Variants in SCUBE1 observed in about 807,000 individuals in gnomAD.
SCUBE1 encodes signal peptide, CUB domain and EGF like domain containing 1.
SCUBE1 carries 59 observed loss-of-function variants against 124.4 expected under a neutral mutation model. The observed-to-expected ratio is 0.47, with a 90% CI of 0.38 to 0.59. The LOEUF is 0.59. Among genes scored for constraint, SCUBE1 ranks in the 20% least tolerant of loss-of-function variants. The pLI, the probability that SCUBE1 is intolerant of heterozygous loss-of-function variation, is 0.00. For missense variants in SCUBE1, 1,150 were observed against 1,371.2 expected (o/e 0.84, Z 2.55); for synonymous variants, 545 against 550.9 (o/e 0.99, Z 0.15).
intron 1 of SCUBE1, among the ~76,000 whole-genome samples, chr22:43,339,643 CAAGCATCACTCCAGCCCTCCCCCAT>C (rs1927209465): frequency 7.5e-6 from 1 of 134,074 alleles, no homozygotes; most frequent in African/African-American, 3.0e-5. Flanking sequence ...TATCCCCCCA[CAAGCATCACTCCAGCCCTCCCCCAT>C]TCTCCTCACT....
At chr22:43,335,594 C>T (rs989761209) in intron 2 of SCUBE1, among the ~76,000 whole-genome samples, 2 of 152,202 alleles carry the variant, frequency 1.3e-5, no homozygotes, top group Non-Finnish European at 2.9e-5. Context: ...GCAGCCCCAC[C>T]AGACCACAAG....
At chr22:43,214,046 C>CGGGGG in intron 16 of SCUBE1, 44 bp downstream of exon 16, 3 of 422,702 alleles carry the variant, frequency 7.1e-6, no homozygotes, top group East Asian at 1.3e-4. Flanking sequence ...GAGGAGCCCC[C>CGGGGG]GCCCACCCCC....
chr22:43,208,563 GCTC>G (rs1187916273), intron 19 of SCUBE1, among the ~76,000 whole-genome samples: 1 of 152,124 alleles, frequency 6.6e-6, no homozygotes, highest in Non-Finnish European at 1.5e-5. Flanking sequence ...CCAGCTAACT[GCTC>G]CTCGGTGACA....
chr22:43,337,438 G>A (rs1202357776), intron 2 of SCUBE1, among the ~76,000 whole-genome samples: 2 of 152,236 alleles, frequency 1.3e-5, no homozygotes, highest in Non-Finnish European at 2.9e-5. Context: ...GGAAGGCAGA[G>A]TAGAGGGTCA....
Position 43,204,067 on chromosome 22 carries a change from T to G in SCUBE1, c.2897A>C (p.Glu966Ala), listed in dbSNP as rs1198411611. The change falls in exon 22 of 22, where the codon GAG (glutamate) becomes GCG (alanine). Residue 966 changes from glutamate (E) to alanine (A), a missense_variant. Around this residue, in one of 3 missense-constraint regions of SCUBE1, gnomAD observed 757 missense variants for 840.9 expected, o/e 0.90. Transcript: ENST00000360835. ...YFKYTAQESKEMFPRSFIKLL... is the reference protein window; with the variant it reads ...YFKYTAQESKAMFPRSFIKLL... ...TTTGATGAAGGACCGTGGGAACATC[T>G]CCTTGGATTCCTGGGCTGTGTACTT... The G allele has an allele frequency of 1.2e-6, 2 of 1,613,948 alleles. No homozygotes were observed. The highest frequency in any genetic ancestry group is 1.7e-6 in the Non-Finnish European group (2 of 1,180,002).
intron 1 of SCUBE1, 85 bp from the exon 2 acceptor site, chr22:43,339,320 G>A (rs1486057239): frequency 2.9e-6 from 4 of 1,366,540 alleles, no homozygotes; most frequent in East Asian, 2.4e-5. Flanking sequence ...GGGAGCTCTT[G>A]CCTTTGCCCG....
intron 9 of SCUBE1, 110 bp from the exon 10 acceptor site, chr22:43,227,606 G>A (rs55853243): frequency 0.055 from 76,408 of 1,396,810 alleles, 2,514 homozygotes; most frequent in Non-Finnish European, 0.064. Flanking sequence ...CCACCGAGTC[G>A]GACAGCATCA....
chr22:43,315,966 G>C (rs1926332916), intron 3 of SCUBE1, among the ~76,000 whole-genome samples: 2 of 152,158 alleles, frequency 1.3e-5, no homozygotes, highest in Non-Finnish European at 2.9e-5. Context: ...GAGTACAGTG[G>C]CTGGAAGGAG....
At chr22:43,327,682 G>A (rs1926772051) in intron 2 of SCUBE1, among the ~76,000 whole-genome samples, 2 of 152,164 alleles carry the variant, frequency 1.3e-5, no homozygotes, top group Non-Finnish European at 2.9e-5. Context: ...AGCTACTCGG[G>A]AGGCTGAGGC....
intron 2 of SCUBE1, among the ~76,000 whole-genome samples, chr22:43,325,112 T>G (rs5996310): frequency 1.3e-5 from 2 of 150,898 alleles, no homozygotes. Context: ...GAGGCAGCTG[T>G]GTGTGTGAGG....
chr22:43,227,300 T>C, intron 10 of SCUBE1, 74 bp downstream of exon 10: 1 of 1,521,666 alleles, frequency 6.6e-7, no homozygotes, highest in Non-Finnish European at 8.8e-7. Flanking sequence ...CACCCCCACC[T>C]CAGAAAAGCC....
rs1465699786 is a variant in SCUBE1, at chr22:43,201,541, AAAG to A, written c.*2453_*2455del. ...CCAATCTGTTGAGGGCCCCAATAGA[AAAG>A]AAGGAGGAGGAAGGGAGAATCCTCC... On this transcript the variant is annotated 3_prime_UTR_variant, in exon 22 of 22. Transcript: ENST00000360835. 3 of 151,838 alleles carry A rather than the reference AAAG, an allele frequency of 2.0e-5. No individual in the cohort carries two copies. The highest frequency in any genetic ancestry group is 6.6e-5 in the Admixed American group (1 of 15,240). 9.4% of individuals were successfully genotyped at this position (151,838 alleles called of 1,614,324 possible).
chr22:43,328,200 G>A (rs756577771), intron 2 of SCUBE1, among the ~76,000 whole-genome samples: 3 of 152,200 alleles, frequency 2.0e-5, no homozygotes, highest in Non-Finnish European at 4.4e-5. Flanking sequence ...GCTGGGGGCT[G>A]CTCCTGGGCT....
intron 2 of SCUBE1, among the ~76,000 whole-genome samples, chr22:43,332,568 C>T (rs746624037): frequency 1.3e-5 from 2 of 152,110 alleles, no homozygotes; most frequent in Non-Finnish European, 1.5e-5. Context: ...TGGTGGGGGA[C>T]GAAACCCAGG....
intron 7 of SCUBE1, among the ~76,000 whole-genome samples, chr22:43,237,261 C>A (rs116829231): frequency 3.3e-5 from 5 of 152,162 alleles, no homozygotes; most frequent in African/African-American, 1.2e-4. Context: ...TCCCAGTAGC[C>A]CCCTCTTGGG....
intron 6 of SCUBE1, among the ~76,000 whole-genome samples, chr22:43,253,085 C>T (rs375898718): frequency 3.9e-4 from 55 of 140,894 alleles, no homozygotes; most frequent in East Asian, 2.2e-3. Flanking sequence ...ACCTCCCTAC[C>T]TAAGTCCGTA....
intron 21 of SCUBE1, among the ~76,000 whole-genome samples, chr22:43,204,451 A>G (rs541092050): frequency 6.6e-6 from 1 of 151,824 alleles, no homozygotes; most frequent in South Asian, 2.1e-4. Context: ...GGCATGCACC[A>G]CCACACCTGG....
intron 4 of SCUBE1, among the ~76,000 whole-genome samples, chr22:43,268,975 T>C (rs560104836): frequency 6.6e-6 from 1 of 152,258 alleles, no homozygotes; most frequent in East Asian, 1.9e-4. Context: ...GGAGGAGGGC[T>C]GGATTGGACA....
chr22:43,330,524 G>C (rs902191516), intron 2 of SCUBE1, among the ~76,000 whole-genome samples: 1 of 152,146 alleles, frequency 6.6e-6, no homozygotes, highest in African/African-American at 2.4e-5. Context: ...CACAAGGCAG[G>C]TCAAAGGCAG....
Sources: allele counts gnomAD v4.1 joint callset (sites outside exome capture counted in the v4.1 genomes callset), GRCh38; gene constraint gnomAD v4.1.1; regional missense constraint gnomAD v4.1.1; transcripts MANE v1.5; gene names NCBI Gene and HGNC (gene_info 2026-07-23, HGNC 2026-07-21).